The following UNC5D variants were observed in gnomAD, a reference collection of about 807,000 sequenced individuals.
The protein encoded by UNC5D is netrin receptor UNC5D.
UNC5D carries 39 observed loss-of-function variants against 105.4 expected under a neutral mutation model. The observed-to-expected ratio is 0.37, with a 90% confidence interval of 0.29 to 0.48. The LOEUF is 0.48. Among genes scored for constraint, UNC5D ranks in the 20% least tolerant of loss-of-function variants. The pLI, the probability that UNC5D is intolerant of heterozygous loss-of-function variation, is 0.98. For missense variants in UNC5D, 991 were observed against 1,202.4 expected, an observed-to-expected ratio of 0.82 and a Z score of 2.60; for synonymous variants, 452 against 450.4, an observed-to-expected ratio of 1.00 and a Z score of -0.04.
At position 35,719,544 on chromosome 8, in the gene UNC5D, T is replaced by C. The variant is rs1828458708; in HGVS notation, c.1118-2666T>C. 2.0e-5 allele frequency among the ~76,000 whole-genome samples: 3 copies of C among 152,290 alleles called. No individual in the cohort carries two copies. The South Asian group carries it at 6.2e-4, about 32-fold the overall frequency. ...AAATGTGGCTTTGAGGACTCGTGTATACCTCTGTGGCTGCACTTGAAGTAC... is the reference window on the plus strand; with the variant it reads ...AAATGTGGCTTTGAGGACTCGTGTACACCTCTGTGGCTGCACTTGAAGTAC... On this transcript the variant is annotated intron_variant, in intron 8 of 16. Coordinates refer to ENST00000404895, the MANE Select transcript of UNC5D (RefSeq NM_080872.4).
At chr8:35,753,303 C>G (rs964863913) in intron 13 of UNC5D, among the ~76,000 whole-genome samples, 2 of 152,080 alleles carry the variant, frequency 1.3e-5, no homozygotes, top group African/African-American at 4.8e-5. Context: ...GAGTCTCGCT[C>G]TGTCCCCCAG....
intron 7 of UNC5D, among the ~76,000 whole-genome samples, chr8:35,693,593 C>T (rs1055035568): frequency 1.3e-5 from 2 of 152,122 alleles, no homozygotes; most frequent in Admixed American, 6.6e-5. Flanking sequence ...CCTCATGGAT[C>T]TGTGCCACAG....
chr8:35,376,404 C>G (rs1406081691), intron 1 of UNC5D, among the ~76,000 whole-genome samples: 1 of 152,058 alleles, frequency 6.6e-6, no homozygotes, highest in African/African-American at 2.4e-5. Context: ...TGAAAAGTCC[C>G]ATGTGGTGAG....
rs571441426 is a variant in UNC5D at position 35,499,720 on chromosome 8, A to G, written c.104-49572A>G. ...GCTCCAGGAGCACTGCAAGCTGTTT[A>G]TAAGCAGCATGGAACAGACCTGTCT... On this transcript the variant is annotated intron_variant, in intron 1 of 16. Transcript: ENST00000404895. 3.3e-5 allele frequency among the ~76,000 whole-genome samples: 5 copies of G among 152,320 alleles called. No individual in the cohort carries two copies. The South Asian group carries it at 1.0e-3, about 32-fold the overall frequency.
At chr8:35,717,826 G>A (rs539996983) in intron 8 of UNC5D, among the ~76,000 whole-genome samples, 19 of 152,262 alleles carry the variant, frequency 1.2e-4, no homozygotes, top group African/African-American at 3.9e-4. Context: ...CTACAAAGAC[G>A]GTAGTCCTCT....
At chr8:35,464,739 AG>A (rs1384208488) in intron 1 of UNC5D, among the ~76,000 whole-genome samples, 3 of 152,146 alleles carry the variant, frequency 2.0e-5, no homozygotes, top group Non-Finnish European at 4.4e-5. Context: ...TGACTCATGT[AG>A]CTTTAAGTAA....
intron 1 of UNC5D, among the ~76,000 whole-genome samples, chr8:35,343,289 T>G (rs1811583882): frequency 6.6e-6 from 1 of 152,128 alleles, no homozygotes; most frequent in Non-Finnish European, 1.5e-5. Context: ...CTTTAAATTG[T>G]ACCACCTGTG....
chr8:35,293,747 A>T (rs1328378985), intron 1 of UNC5D, among the ~76,000 whole-genome samples: 4 of 152,318 alleles, frequency 2.6e-5, no homozygotes, highest in Non-Finnish European at 2.9e-5. Context: ...TATAACGGTT[A>T]TGGCATCTTC....
chr8:35,457,825 C>T (rs1469796249), intron 1 of UNC5D, among the ~76,000 whole-genome samples: 6 of 152,094 alleles, frequency 3.9e-5, no homozygotes, highest in African/African-American at 1.4e-4. Context: ...CAGTGGTTAT[C>T]CCAATGTCCA....
chr8:35,563,058 T>C (rs1485450039), intron 2 of UNC5D, among the ~76,000 whole-genome samples: 4 of 152,038 alleles, frequency 2.6e-5, no homozygotes, highest in Non-Finnish European at 5.9e-5. Context: ...GAAGATACTA[T>C]CCTTTCGTCA....
intron 14 of UNC5D, among the ~76,000 whole-genome samples, chr8:35,760,187 T>C (rs1466189314): frequency 6.6e-6 from 1 of 151,790 alleles, no homozygotes; most frequent in African/African-American, 2.4e-5. Context: ...GGATTACAGG[T>C]GCCCGTCACC....
intron 1 of UNC5D, among the ~76,000 whole-genome samples, chr8:35,500,956 T>A (rs2130238587): frequency 1.3e-5 from 2 of 152,186 alleles, no homozygotes; most frequent in East Asian, 3.9e-4. Context: ...AGGAGGAAAG[T>A]AGCATTTAGA....
intron 11 of UNC5D, among the ~76,000 whole-genome samples, chr8:35,732,835 C>T (rs1480983345): frequency 6.6e-6 from 1 of 152,070 alleles, no homozygotes; most frequent in African/African-American, 2.4e-5. Flanking sequence ...TCGCATTTTC[C>T]AAGGCACCTC....
rs562073314 is a variant in UNC5D, at chr8:35,791,511, T to C, written c.*948T>C. 101 of 152,238 alleles carry C rather than the reference T, an allele frequency of 6.6e-4. No homozygotes were observed. The highest frequency in any genetic ancestry group is 2.4e-3 in the African/African-American group (98 of 41,548). The allele number at this position is 152,238 out of a possible 1,614,324, so 9.4% of individuals were successfully genotyped here. On this transcript the variant is annotated 3_prime_UTR_variant, in exon 17 of 17. Coordinates refer to ENST00000404895, the MANE Select transcript of UNC5D (RefSeq NM_080872.4). The stretch of plus-strand genomic sequence containing the variant: ...TTCTAGGAGACACGTGTTGATCTAG[T>C]TATCTAACATTGTTGTTATAAGAAA...
intron 1 of UNC5D, among the ~76,000 whole-genome samples, chr8:35,421,441 A>G (rs1805891275): frequency 6.6e-6 from 1 of 152,216 alleles, no homozygotes; most frequent in African/African-American, 2.4e-5. Flanking sequence ...AAAGGCCACT[A>G]TGTTATTAAC....
intron 4 of UNC5D, among the ~76,000 whole-genome samples, chr8:35,625,554 T>C (rs1216926910): frequency 6.6e-6 from 1 of 152,228 alleles, no homozygotes; most frequent in Non-Finnish European, 1.5e-5. Flanking sequence ...TACTGTAAAA[T>C]GTAATGTGGC....
intron 1 of UNC5D, among the ~76,000 whole-genome samples, chr8:35,487,508 T>C (rs927466022): frequency 1.3e-5 from 2 of 151,810 alleles, no homozygotes; most frequent in African/African-American, 4.8e-5. Context: ...TATCTAGCCC[T>C]TCACAAGTAC....
intron 1 of UNC5D, among the ~76,000 whole-genome samples, chr8:35,393,125 CTTTTTTTTTTTT>C (rs34886215): frequency 2.7e-5 from 2 of 75,068 alleles, no homozygotes; most frequent in African/African-American, 4.8e-5. Context: ...CCTATTCCTA[CTTTTTTTTTTTT>C]TTTTTTTTTT....
At chr8:35,684,533 G>GGTTTT in intron 5 of UNC5D, 49 bp from the exon 6 acceptor site, 1 of 1,588,832 alleles carries the variant, frequency 6.3e-7, no homozygotes. Context: ...TAGGCAATCA[G>GGTTTT]TAAAAACCTC....
Sources: allele counts gnomAD v4.1 joint callset (sites outside exome capture counted in the v4.1 genomes callset), GRCh38; gene constraint gnomAD v4.1.1; transcripts MANE v1.5; gene names NCBI Gene and HGNC (gene_info 2026-07-23, HGNC 2026-07-21).